Variants in CCSER1 observed in about 807,000 individuals in gnomAD.
The protein encoded by CCSER1 is coiled-coil serine rich protein 1.
In CCSER1, 41 loss-of-function variants were observed where a neutral mutation model predicts 82.0. That is an observed-to-expected ratio of 0.50 (90% CI 0.39 to 0.65). The LOEUF is 0.65. Among genes scored for constraint, CCSER1 ranks in the 30% least tolerant of loss-of-function variants. CCSER1 has a pLI of 0.00. For missense variants in CCSER1, 1,119 were observed against 1,064.2 expected (o/e 1.05, Z -0.72); for synonymous variants, 414 against 383.9 (o/e 1.08, Z -0.92).
intron 1 of CCSER1, among the ~76,000 whole-genome samples, chr4:90,166,103 G>C (rs1219634235): frequency 6.6e-6 from 1 of 151,938 alleles, no homozygotes; most frequent in Non-Finnish European, 1.5e-5. Context: ...ACCATACTTT[G>C]AACACCCACA....
intron 9 of CCSER1, among the ~76,000 whole-genome samples, chr4:91,047,349 C>G (rs1187608995): frequency 6.6e-6 from 1 of 152,026 alleles, no homozygotes; most frequent in Non-Finnish European, 1.5e-5. Context: ...TTTTCAATAC[C>G]TATTTATTTA....
At chr4:90,805,087 G>A (rs183054527) in intron 7 of CCSER1, among the ~76,000 whole-genome samples, 3,324 of 134,818 alleles carry the variant, frequency 0.025, 127 homozygotes, top group African/African-American at 0.088. Context: ...AACTATAATA[G>A]AGTTTGTCTC....
intron 10 of CCSER1, among the ~76,000 whole-genome samples, chr4:91,421,639 C>A (rs1753688168): frequency 6.6e-6 from 1 of 151,994 alleles, no homozygotes; most frequent in Non-Finnish European, 1.5e-5. Context: ...GTAACCCACT[C>A]AAGTTGACGC....
intron 1 of CCSER1, among the ~76,000 whole-genome samples, chr4:90,253,384 G>A (rs1043100002): frequency 1.7e-4 from 26 of 152,056 alleles, no homozygotes; most frequent in African/African-American, 6.0e-4. Flanking sequence ...AGAAGTAGAT[G>A]TGCTAGCAAT....
chr4:90,213,720 A>G (rs1471662849), intron 1 of CCSER1, among the ~76,000 whole-genome samples: 1 of 152,204 alleles, frequency 6.6e-6, no homozygotes, highest in Admixed American at 6.5e-5. Flanking sequence ...TACATCAAGA[A>G]GGGATTAGTC....
At chr4:90,723,680 C>A (rs1445960715) in intron 6 of CCSER1, among the ~76,000 whole-genome samples, 1 of 151,680 alleles carries the variant, frequency 6.6e-6, no homozygotes, top group African/African-American at 2.4e-5. Flanking sequence ...TGATAAAATG[C>A]ACTTAAAATA....
intron 1 of CCSER1, among the ~76,000 whole-genome samples, chr4:90,211,528 C>T (rs1578516328): frequency 6.6e-6 from 1 of 152,252 alleles, no homozygotes; most frequent in African/African-American, 2.4e-5. Context: ...AAGAAAAGCA[C>T]GAATGCCAGA....
At chr4:91,555,625 TAACA>T (rs1365683476) in intron 10 of CCSER1, among the ~76,000 whole-genome samples, 1 of 150,360 alleles carries the variant, frequency 6.7e-6, no homozygotes, top group South Asian at 2.2e-4. Flanking sequence ...AAAACAAATC[TAACA>T]AAAGAATGAA....
At chr4:90,981,064 TCAAA>T (rs777240612) in intron 9 of CCSER1, among the ~76,000 whole-genome samples, 7 of 151,756 alleles carry the variant, frequency 4.6e-5, no homozygotes, top group Non-Finnish European at 1.0e-4. Context: ...GGGAAAGCCC[TCAAA>T]CAATTACAGA....
intron 3 of CCSER1, among the ~76,000 whole-genome samples, chr4:90,372,542 A>G (rs28660657): frequency 0.5 from 75,508 of 151,762 alleles, 19,397 homozygotes; most frequent in African/African-American, 0.63. Context: ...TTGAGGTTAG[A>G]AGTTCGAGAC....
At chr4:90,811,995 C>CACACACACACACATATAT (rs367800484) in intron 7 of CCSER1, among the ~76,000 whole-genome samples, 100 of 142,772 alleles carry the variant, frequency 7.0e-4, no homozygotes, top group African/African-American at 2.6e-3. Flanking sequence ...TATATAAACA[C>CACACACACACACATATAT]ATATATATAT....
chr4:91,422,914 A>G (rs534920721), intron 10 of CCSER1, among the ~76,000 whole-genome samples: 2 of 152,128 alleles, frequency 1.3e-5, no homozygotes, highest in Non-Finnish European at 2.9e-5. Flanking sequence ...AGACATTTCA[A>G]TGTCAACTTT....
chr4:91,106,152 T>A (rs1725593079), intron 10 of CCSER1, among the ~76,000 whole-genome samples: 1 of 152,164 alleles, frequency 6.6e-6, no homozygotes, highest in South Asian at 2.1e-4. Flanking sequence ...AAAAAATGAG[T>A]TAGCATTTAC....
intron 5 of CCSER1, among the ~76,000 whole-genome samples, chr4:90,515,549 GTTTTGATTGTGTC>G (rs1177207469): frequency 2.0e-5 from 3 of 152,074 alleles, no homozygotes; most frequent in African/African-American, 7.2e-5. Flanking sequence ...CTTAAATTTA[GTTTTGATTGTGTC>G]TTCATTGTCT....
intron 7 of CCSER1, among the ~76,000 whole-genome samples, chr4:90,792,151 G>A (rs1473419973): frequency 6.6e-6 from 1 of 152,060 alleles, no homozygotes; most frequent in East Asian, 1.9e-4. Context: ...CATATTATCT[G>A]TAATTCCTGC....
chr4:90,638,694 A>T (rs1725907687), intron 6 of CCSER1, among the ~76,000 whole-genome samples: 1 of 152,166 alleles, frequency 6.6e-6, no homozygotes, highest in Non-Finnish European at 1.5e-5. Flanking sequence ...TTGAAAATAG[A>T]TGAGGAGAGG....
intron 8 of CCSER1, among the ~76,000 whole-genome samples, chr4:90,914,830 GA>G (rs1314414484): frequency 6.6e-6 from 1 of 151,886 alleles, no homozygotes; most frequent in Non-Finnish European, 1.5e-5. Context: ...TGACAAAGGG[GA>G]TATCACCCCC....
At chr4:90,193,313 T>C (rs1735995963) in intron 1 of CCSER1, among the ~76,000 whole-genome samples, 1 of 152,080 alleles carries the variant, frequency 6.6e-6, no homozygotes, top group African/African-American at 2.4e-5. Flanking sequence ...TCAATAAATA[T>C]ATAGAGTTGC....
rs150686010 is a variant in CCSER1 at position 91,025,242 on chromosome 4, G to A, written c.2173-60708G>A. Among the ~76,000 whole-genome samples, 243 of 152,174 alleles carry A rather than the reference G, an allele frequency of 1.6e-3. 1 individual carries two copies. Among genetic ancestry groups the A allele is most frequent in the African/African-American group, 5.6e-3 (233 of 41,528 alleles). The stretch of plus-strand genomic sequence containing the variant: ...GGGAGTTTAAAAAATGGAAAGATAG[G>A]ATAATAGTTTTAAAAGCAGTAAATA... On this transcript the variant is annotated intron_variant, in intron 9 of 10. Coordinates refer to ENST00000509176, the MANE Select transcript of CCSER1 (RefSeq NM_001145065.2).
Sources: gnomAD v4.1 joint callset for allele counts (sites outside exome capture counted in the v4.1 genomes callset) on GRCh38, gnomAD v4.1.1 for gene constraint, MANE v1.5 for transcripts, NCBI Gene and HGNC (gene_info 2026-07-23, HGNC 2026-07-21) for gene names.